Variants in KIF26B observed in about 807,000 individuals in gnomAD.
The protein encoded by KIF26B is kinesin-like protein KIF26B.
KIF26B carries 63 observed loss-of-function variants against 151.2 expected under a neutral mutation model. The observed-to-expected ratio is 0.42, with a 90% CI of 0.34 to 0.51. KIF26B has a LOEUF of 0.51. Ranked by LOEUF, KIF26B falls within the 20% of genes least tolerant of loss-of-function variation. The pLI is 0.07. For missense variants in KIF26B, 2,813 were observed against 2,913.6 expected, an observed-to-expected ratio of 0.97 and a Z score of 0.79; for synonymous variants, 1,357 against 1,262.1, an observed-to-expected ratio of 1.08 and a Z score of -1.59.
At chr1:245,532,349 C>G (rs1661388152) in intron 4 of KIF26B, among the ~76,000 whole-genome samples, 1 of 150,934 alleles carries the variant, frequency 6.6e-6, no homozygotes, top group Non-Finnish European at 1.5e-5. Flanking sequence ...GGGTTCACGC[C>G]ATTCTCCTGC....
chr1:245,675,189 T>C (rs1178848544), intron 10 of KIF26B, among the ~76,000 whole-genome samples: 1 of 152,224 alleles, frequency 6.6e-6, no homozygotes, highest in Non-Finnish European at 1.5e-5. Context: ...GGCATCCGTG[T>C]GTGATGGTAC....
chr1:245,212,396 G>C (rs137956333), intron 2 of KIF26B, among the ~76,000 whole-genome samples: 1 of 152,158 alleles, frequency 6.6e-6, no homozygotes, highest in African/African-American at 2.4e-5. Context: ...CGTGATGGGC[G>C]CAAACCCCTG....
rs1279113380 is a variant in KIF26B, at chr1:245,241,498, C to T, written c.465+84815C>T. 1.3e-5 allele frequency among the ~76,000 whole-genome samples: 2 copies of T among 152,228 alleles called. No homozygotes were observed. Among genetic ancestry groups the T allele is most frequent in the African/African-American group, 4.8e-5 (2 of 41,454 alleles). ...GGAGGAAGCAGCAGCAGCAGAATCCCAGGACCCCCAAAGTGGGAGAAGGGC... is the reference window on the plus strand; with the variant it reads ...GGAGGAAGCAGCAGCAGCAGAATCCTAGGACCCCCAAAGTGGGAGAAGGGC... On this transcript the variant is annotated intron_variant, in intron 2 of 14. Coordinates refer to ENST00000407071, the MANE Select transcript of KIF26B (RefSeq NM_018012.4). The surrounding 1 kb of genome is among the most constrained non-coding windows in gnomAD (Gnocchi z 5.0).
rs549816456 is a variant in KIF26B at position 245,630,478 on chromosome 1, A to G, written c.2099-15643A>G. 1.4e-4 allele frequency among the ~76,000 whole-genome samples: 22 copies of G among 152,352 alleles called. No homozygotes were observed. In the South Asian group the frequency reaches 4.3e-3, roughly 30 times the overall value. On this transcript the variant is annotated intron_variant, in intron 9 of 14. Transcript: ENST00000407071. Reference sequence around the variant, plus strand: ...GCCGTCATCCTCAGCAAACTAACACAGGAACAGAAAACCAAACACCACACG... The same window carrying G: ...GCCGTCATCCTCAGCAAACTAACACGGGAACAGAAAACCAAACACCACACG...
At chr1:245,156,024 G>A (rs796522284) in intron 1 of KIF26B, among the ~76,000 whole-genome samples, 98 of 152,332 alleles carry the variant, frequency 6.4e-4, no homozygotes, top group African/African-American at 2.3e-3. Flanking sequence ...CGTGGAAACG[G>A]CCCCGAGCGA....
chr1:245,305,979 A>G (rs996570946), intron 2 of KIF26B, among the ~76,000 whole-genome samples: 3 of 151,856 alleles, frequency 2.0e-5, no homozygotes, highest in African/African-American at 7.3e-5. Flanking sequence ...GTGAAACGAT[A>G]TAGCCCCTGT....
In KIF26B at chr1:245,352,783, C is replaced by T. The variant is rs1034443804; in HGVS notation, c.466-14051C>T. Among the ~76,000 whole-genome samples, 3 of 151,876 alleles carry T rather than the reference C, an allele frequency of 2.0e-5. No individual in the cohort carries two copies. The highest frequency in any genetic ancestry group is 4.4e-5 in the Non-Finnish European group (3 of 67,990). ...GAGCCTGTCTTACTAGTACGGGTTC[C>T]CCAACCCCACGACTAGAACTATCTT... On this transcript the variant is annotated intron_variant, in intron 2 of 14. Coordinates refer to ENST00000407071, the MANE Select transcript of KIF26B (RefSeq NM_018012.4). The surrounding 1 kb of genome is among the most constrained non-coding windows in gnomAD (Gnocchi z 5.0).
intron 4 of KIF26B, among the ~76,000 whole-genome samples, chr1:245,440,040 T>A (rs910682578): frequency 6.6e-6 from 1 of 151,984 alleles, no homozygotes; most frequent in Non-Finnish European, 1.5e-5. Flanking sequence ...GCTAACACGG[T>A]GAAACCCCGT....
chr1:245,702,693 C>G lies in KIF26B; in HGVS notation c.*87C>G. 7.1e-7 allele frequency: 1 copy of G among 1,400,508 alleles called. No individual in the cohort carries two copies. Among genetic ancestry groups the G allele is most frequent in the East Asian group, 2.3e-5 (1 of 43,012 alleles). The allele number at this position is 1,400,508 out of a possible 1,614,324, so 86.8% of individuals were successfully genotyped here. ...CCCTAGGCCCTCTGTGCTGGGGCAT[C>G]AAAGACAATGAATGAGGATGAAGGT... On this transcript the variant is annotated 3_prime_UTR_variant, in exon 15 of 15. Transcript: ENST00000407071. This position sits in a 1 kb window ranked among gnomAD's most constrained non-coding sequence, Gnocchi z 4.1.
At chr1:245,308,631 C>T (rs12065992) in intron 2 of KIF26B, among the ~76,000 whole-genome samples, 32,079 of 152,004 alleles carry the variant, frequency 0.21, 3,584 homozygotes, top group Admixed American at 0.32. Flanking sequence ...ACATGGGAGG[C>T]GGAGGCGGGA....
chr1:245,383,751 G>T (rs1673471367), intron 3 of KIF26B, among the ~76,000 whole-genome samples: 1 of 152,196 alleles, frequency 6.6e-6, no homozygotes, highest in South Asian at 2.1e-4. Flanking sequence ...TGAGTAGAAA[G>T]GATGAACGGT....
intron 4 of KIF26B, among the ~76,000 whole-genome samples, chr1:245,458,832 A>T (rs1659591434): frequency 6.6e-6 from 1 of 152,230 alleles, no homozygotes; most frequent in East Asian, 1.9e-4. Context: ...TGCTACTGGT[A>T]CACTCATGTT....
chr1:245,680,831 C>T (rs543737442), intron 10 of KIF26B, among the ~76,000 whole-genome samples: 10 of 152,334 alleles, frequency 6.6e-5, no homozygotes, highest in Non-Finnish European at 1.0e-4. Flanking sequence ...ACGCGTTCCC[C>T]GCCGAGGTGG....
intron 2 of KIF26B, among the ~76,000 whole-genome samples, chr1:245,269,786 T>A (rs993611784): frequency 1.3e-5 from 2 of 152,042 alleles, no homozygotes; most frequent in Non-Finnish European, 2.9e-5. Context: ...CCTTTTTTTT[T>A]AAAGGCTGAA....
intron 2 of KIF26B, among the ~76,000 whole-genome samples, chr1:245,315,454 G>A (rs988494535): frequency 6.6e-6 from 1 of 152,070 alleles, no homozygotes; most frequent in African/African-American, 2.4e-5. Context: ...GGGTGCAGTG[G>A]CTCATGCCTG....
rs182176538 is a variant in KIF26B, at chr1:245,474,510, C to T, written c.1166+54765C>T. Among the ~76,000 whole-genome samples the T allele has an allele frequency of 7.0e-3, 1,051 of 150,684 alleles. 19 individuals carry two copies. The highest frequency in any genetic ancestry group is 0.025 in the African/African-American group (1,018 of 41,190). On this transcript the variant is annotated intron_variant, in intron 4 of 14. Transcript: ENST00000407071. The stretch of plus-strand genomic sequence containing the variant: ...CACTGCAACCTCCACCTCCCTGGTT[C>T]CAGTGATTCTCCTGCCTCAGCCTCC...
intron 2 of KIF26B, among the ~76,000 whole-genome samples, chr1:245,288,585 G>T (rs534146437): frequency 2.0e-5 from 3 of 152,184 alleles, no homozygotes; most frequent in African/African-American, 7.2e-5. Flanking sequence ...GTGGTGGGCC[G>T]CTGGGCCAGT....
chr1:245,185,520 T>C (rs1214190308), intron 2 of KIF26B, among the ~76,000 whole-genome samples: 3 of 152,176 alleles, frequency 2.0e-5, no homozygotes, highest in Non-Finnish European at 4.4e-5. Flanking sequence ...AGGCTGTCAT[T>C]ACCCCAAAAG....
intron 3 of KIF26B, among the ~76,000 whole-genome samples, chr1:245,399,944 A>C (rs1201240245): frequency 1.3e-5 from 2 of 152,222 alleles, no homozygotes; most frequent in African/African-American, 4.8e-5. Flanking sequence ...CAGAGCTACG[A>C]TACCAATGTT....
Sources: gnomAD v4.1 joint callset for allele counts (sites outside exome capture counted in the v4.1 genomes callset) on GRCh38, gnomAD v4.1.1 for gene constraint, Gnocchi (gnomAD v3.1) non-coding constraint, MANE v1.5 for transcripts, NCBI Gene and HGNC (gene_info 2026-07-23, HGNC 2026-07-21) for gene names.